The following PTPRK variants were observed in gnomAD, a reference collection of about 807,000 sequenced individuals.
PTPRK encodes receptor-type tyrosine-protein phosphatase kappa.
Under a neutral mutation model 178.0 loss-of-function variants are expected in PTPRK, and 75 were observed. The observed-to-expected ratio is 0.42, with a 90% CI of 0.35 to 0.51. The LOEUF (loss-of-function observed/expected upper bound fraction) is 0.51, where lower values mean the gene tolerates loss of function less well. PTPRK is among the 20% of genes least tolerant of loss of function. The pLI, the probability that PTPRK is intolerant of heterozygous loss-of-function variation, is 0.02. For missense variants in PTPRK, 1,441 were observed against 1,797.8 expected, an observed-to-expected ratio of 0.80 and a Z score of 3.59; for synonymous variants, 637 against 620.6, an observed-to-expected ratio of 1.03 and a Z score of -0.39.
At chr6:128,281,948 G>T (rs770657604) in intron 3 of PTPRK, among the ~76,000 whole-genome samples, 1 of 151,984 alleles carries the variant, frequency 6.6e-6, no homozygotes, top group Non-Finnish European at 1.5e-5. Context: ...AGAAATTAAA[G>T]GGAAGGTAAA....
intron 2 of PTPRK, among the ~76,000 whole-genome samples, chr6:128,392,738 A>G (rs1839770058): frequency 1.4e-5 from 1 of 73,740 alleles, no homozygotes; most frequent in Non-Finnish European, 2.8e-5. Context: ...TTGACAAGCA[A>G]AAGTCAAAAA....
intron 7 of PTPRK, among the ~76,000 whole-genome samples, chr6:128,119,556 A>G (rs956241825): frequency 6.6e-6 from 1 of 152,064 alleles, no homozygotes; most frequent in Non-Finnish European, 1.5e-5. Context: ...TTTGCCAGTT[A>G]TTTCCAGGAA....
chr6:128,482,321 T>C (rs1417103744), intron 1 of PTPRK, among the ~76,000 whole-genome samples: 1 of 152,176 alleles, frequency 6.6e-6, no homozygotes, highest in East Asian at 1.9e-4. Context: ...TAGTTCATAT[T>C]GCACTGTAAT....
intron 2 of PTPRK, among the ~76,000 whole-genome samples, chr6:128,341,866 A>T (rs1055895540): frequency 6.6e-6 from 1 of 152,196 alleles, no homozygotes; most frequent in African/African-American, 2.4e-5. Flanking sequence ...CCTACAGCTC[A>T]AGAGTCATTT....
chr6:128,459,023 T>C (rs1848716868), intron 1 of PTPRK, among the ~76,000 whole-genome samples: 1 of 152,132 alleles, frequency 6.6e-6, no homozygotes, highest in South Asian at 2.1e-4. Flanking sequence ...GCTTGAAAAT[T>C]GGAATGTTTA....
chr6:128,124,013 A>G (rs1792911692), intron 7 of PTPRK, among the ~76,000 whole-genome samples: 1 of 151,542 alleles, frequency 6.6e-6, no homozygotes, highest in African/African-American at 2.4e-5. Context: ...CCACCTAGAT[A>G]GTTCCAAATA....
At chr6:128,206,293 A>G (rs908971005) in intron 6 of PTPRK, among the ~76,000 whole-genome samples, 9 of 151,736 alleles carry the variant, frequency 5.9e-5, no homozygotes, top group Non-Finnish European at 1.0e-4. Context: ...CTTTTATTTT[A>G]GTATATCAGA....
intron 1 of PTPRK, among the ~76,000 whole-genome samples, chr6:128,413,853 T>C (rs1842565296): frequency 6.6e-6 from 1 of 152,212 alleles, no homozygotes; most frequent in Admixed American, 6.5e-5. Context: ...GTTTTATTTC[T>C]GTTGCCTTTT....
At chr6:128,044,644 G>T (rs1777745054) in intron 13 of PTPRK, among the ~76,000 whole-genome samples, 1 of 47,640 alleles carries the variant, frequency 2.1e-5, no homozygotes, top group African/African-American at 6.3e-5. Flanking sequence ...TATAAGACAG[G>T]CTAATTTTTT....
intron 2 of PTPRK, among the ~76,000 whole-genome samples, chr6:128,342,205 A>T (rs1442930763): frequency 6.6e-6 from 1 of 151,526 alleles, no homozygotes; most frequent in Non-Finnish European, 1.5e-5. Context: ...GTGAGCCGAG[A>T]TCTCACCACT....
intron 1 of PTPRK, among the ~76,000 whole-genome samples, chr6:128,420,446 T>A (rs1171425234): frequency 6.6e-6 from 1 of 152,204 alleles, no homozygotes; most frequent in Admixed American, 6.5e-5. Context: ...TCAATAAATG[T>A]TTAATTACTA....
intron 6 of PTPRK, among the ~76,000 whole-genome samples, chr6:128,212,777 A>G (rs1445339857): frequency 6.6e-6 from 1 of 152,082 alleles, no homozygotes; most frequent in Non-Finnish European, 1.5e-5. Flanking sequence ...AAATAAACTG[A>G]GAAACCTTTA....
At chr6:128,378,641 T>C (rs192656642) in intron 2 of PTPRK, among the ~76,000 whole-genome samples, 1 of 152,168 alleles carries the variant, frequency 6.6e-6, no homozygotes, top group African/African-American at 2.4e-5. Flanking sequence ...CTATAAAAAT[T>C]AGATTCTAAA....
intron 6 of PTPRK, among the ~76,000 whole-genome samples, chr6:128,193,652 T>C (rs1331698554): frequency 6.6e-6 from 1 of 152,250 alleles, no homozygotes; most frequent in Non-Finnish European, 1.5e-5. Context: ...TTAATGTCTA[T>C]GACATGGCTC....
At chr6:128,509,553 T>C (rs1437460389) in intron 1 of PTPRK, among the ~76,000 whole-genome samples, 2 of 152,298 alleles carry the variant, frequency 1.3e-5, no homozygotes, top group Admixed American at 6.5e-5. Flanking sequence ...TTTCTATTCC[T>C]AACAAAATTT....
chr6:128,395,914 T>C (rs1840239938), intron 2 of PTPRK, among the ~76,000 whole-genome samples: 1 of 152,082 alleles, frequency 6.6e-6, no homozygotes, highest in Admixed American at 6.6e-5. Flanking sequence ...AAAGTACACA[T>C]CACGGGGGAA....
At chr6:128,254,819 C>T (rs186949323) in intron 3 of PTPRK, among the ~76,000 whole-genome samples, 87 of 151,936 alleles carry the variant, frequency 5.7e-4, no homozygotes, top group Non-Finnish European at 8.4e-4. Context: ...GGGTGTCCGA[C>T]AATCAGTAAA....
chr6:128,242,716 TA>T (rs1470411099), intron 3 of PTPRK, 114 bp from the exon 4 acceptor site: 2 of 1,408,006 alleles, frequency 1.4e-6, no homozygotes, highest in African/African-American at 1.5e-5. Flanking sequence ...CAGTAAGAAT[TA>T]AAAATTTAAC....
At chr6:128,117,185 A>C (rs866193029) in intron 7 of PTPRK, among the ~76,000 whole-genome samples, 56 of 152,110 alleles carry the variant, frequency 3.7e-4, no homozygotes, top group African/African-American at 1.3e-3. Flanking sequence ...AAATAAACTA[A>C]TTAATGGGAA....
Sources: allele counts gnomAD v4.1 joint callset (sites outside exome capture counted in the v4.1 genomes callset), GRCh38; gene constraint gnomAD v4.1.1; transcripts MANE v1.5; gene names NCBI Gene and HGNC (gene_info 2026-07-23, HGNC 2026-07-21).